RBFOX1: variants seen among roughly 807,000 people sequenced by gnomAD.
RBFOX1 encodes the protein RNA binding fox-1 homolog 1.
In RBFOX1, 8 loss-of-function variants were observed where a neutral mutation model predicts 57.7. That is an observed-to-expected ratio of 0.14 (90% CI 0.08 to 0.25). The LOEUF is 0.25. Among genes scored for constraint, RBFOX1 ranks in the 10% least tolerant of loss-of-function variants. RBFOX1 has a pLI of 1.00. For synonymous variants in RBFOX1, 326 were observed against 222.4 expected, an observed-to-expected ratio of 1.47 and a Z score of -4.15; for missense variants, 611 against 548.5, an observed-to-expected ratio of 1.11 and a Z score of -1.14.
rs372594869 is a variant in RBFOX1 at position 6,520,145 on chromosome 16, T to G, written c.-63-134458T>G. ...TTGGAGCTTCTTCATGGCCATCCTTTGCAACTTGGAGTATGCAAACAACAT... is the reference window on the plus strand; with the variant it reads ...TTGGAGCTTCTTCATGGCCATCCTTGGCAACTTGGAGTATGCAAACAACAT... On this transcript the variant is annotated intron_variant, in intron 2 of 15. Transcript: ENST00000550418. Among the ~76,000 whole-genome samples the G allele has an allele frequency of 2.0e-5, 3 of 152,318 alleles. No individual in the cohort carries two copies. The East Asian group carries it at 5.8e-4, about 29-fold the overall frequency.
chr16:5,736,193 A>AC (rs904113452), intron 3 of RBFOX1, among the ~76,000 whole-genome samples: 2 of 151,712 alleles, frequency 1.3e-5, no homozygotes, highest in Non-Finnish European at 2.9e-5. Flanking sequence ...GCCACCTGGC[A>AC]CCCCCCATCC....
intron 3 of RBFOX1, among the ~76,000 whole-genome samples, chr16:6,753,094 T>C (rs571512106): frequency 2.9e-4 from 44 of 152,204 alleles, no homozygotes; most frequent in African/African-American, 6.5e-4. Flanking sequence ...AATACAAATA[T>C]TGAACTTGAG....
At chr16:5,972,071 C>T (rs2059972245) in intron 4 of RBFOX1, among the ~76,000 whole-genome samples, 1 of 152,216 alleles carries the variant, frequency 6.6e-6, no homozygotes, top group Admixed American at 6.5e-5. Context: ...AGCCTGCTGC[C>T]TTCAGACTGA....
intron 2 of RBFOX1, among the ~76,000 whole-genome samples, chr16:6,564,144 T>G (rs1383357642): frequency 6.6e-6 from 1 of 152,122 alleles, no homozygotes; most frequent in Non-Finnish European, 1.5e-5. Context: ...ATTTTCTGTT[T>G]TCCACGAAAG....
chr16:5,750,734 A>G (rs1276587531), intron 3 of RBFOX1, among the ~76,000 whole-genome samples: 1 of 152,080 alleles, frequency 6.6e-6, no homozygotes, highest in Admixed American at 6.5e-5. Flanking sequence ...TTAGGGTGGG[A>G]GTGACCCAAT....
chr16:5,678,711 A>G (rs1423928288), intron 3 of RBFOX1, among the ~76,000 whole-genome samples: 1 of 152,108 alleles, frequency 6.6e-6, no homozygotes, highest in Non-Finnish European at 1.5e-5. Context: ...TTGTCTTTGG[A>G]CAAATGGTAC....
At chr16:6,948,549 A>G (rs960338317) in intron 3 of RBFOX1, among the ~76,000 whole-genome samples, 2 of 151,434 alleles carry the variant, frequency 1.3e-5, no homozygotes, top group East Asian at 2.0e-4. Context: ...TGCCCAGCTA[A>G]TTTTTGATTT....
chr16:5,615,939 G>A (rs2048007707), intron 3 of RBFOX1, among the ~76,000 whole-genome samples: 1 of 152,142 alleles, frequency 6.6e-6, no homozygotes, highest in African/African-American at 2.4e-5. Context: ...TAATGGGAAC[G>A]CTTCTTTCCC....
chr16:7,171,130 C>G (rs1369471312), intron 4 of RBFOX1, among the ~76,000 whole-genome samples: 1 of 152,220 alleles, frequency 6.6e-6, no homozygotes, highest in Non-Finnish European at 1.5e-5. Flanking sequence ...GTCTTGGGCA[C>G]TCTCAAGGCC....
At chr16:6,775,085 G>C (rs1378839326) in intron 3 of RBFOX1, among the ~76,000 whole-genome samples, 1 of 151,624 alleles carries the variant, frequency 6.6e-6, no homozygotes, top group African/African-American at 2.4e-5. Context: ...CAGCACTTTG[G>C]GAGGCCAGGT....
intron 1 of RBFOX1, among the ~76,000 whole-genome samples, chr16:6,210,348 A>ACAAC (rs369339639): frequency 6.0e-4 from 61 of 101,960 alleles, no homozygotes; most frequent in Non-Finnish European, 1.1e-3. Context: ...AAAAAAACAA[A>ACAAC]AAAAAAAAAC....
chr16:5,848,177 T>A (rs1415261130), intron 3 of RBFOX1, among the ~76,000 whole-genome samples: 1 of 152,058 alleles, frequency 6.6e-6, no homozygotes, highest in Non-Finnish European at 1.5e-5. Context: ...TTGCAGTTTG[T>A]TTTGTCCAGC....
intron 2 of RBFOX1, among the ~76,000 whole-genome samples, chr16:6,579,182 T>C (rs1298107900): frequency 6.6e-6 from 1 of 152,112 alleles, no homozygotes; most frequent in African/African-American, 2.4e-5. Context: ...AGTTCTGTTT[T>C]TGTTTTGTTT....
intron 1 of RBFOX1, among the ~76,000 whole-genome samples, chr16:6,256,660 C>T (rs1043993891): frequency 1.3e-5 from 2 of 152,092 alleles, no homozygotes; most frequent in Admixed American, 6.6e-5. Context: ...AACACTTTTG[C>T]TGTGGGATGC....
intron 2 of RBFOX1, among the ~76,000 whole-genome samples, chr16:6,622,141 G>T (rs900268411): frequency 6.6e-6 from 1 of 152,126 alleles, no homozygotes. Context: ...CATTCCTTAA[G>T]TACTTTATTG....
intron 2 of RBFOX1, among the ~76,000 whole-genome samples, chr16:6,602,470 T>C (rs898111208): frequency 6.6e-6 from 1 of 152,160 alleles, no homozygotes; most frequent in African/African-American, 2.4e-5. Flanking sequence ...TGACTCCAGC[T>C]GGAAGGAGAG....
intron 2 of RBFOX1, among the ~76,000 whole-genome samples, chr16:6,647,278 C>G (rs1234277216): frequency 6.6e-6 from 1 of 152,106 alleles, no homozygotes; most frequent in Non-Finnish European, 1.5e-5. Flanking sequence ...GAATCTTGGT[C>G]TGTTGCCCAG....
At chr16:7,048,157 G>A (rs888277341) in intron 3 of RBFOX1, among the ~76,000 whole-genome samples, 2 of 152,056 alleles carry the variant, frequency 1.3e-5, no homozygotes, top group Non-Finnish European at 2.9e-5. Context: ...GGGATTACAG[G>A]TGTGAGCCAC....
intron 4 of RBFOX1, among the ~76,000 whole-genome samples, chr16:7,138,606 C>T (rs1480152115): frequency 2.0e-5 from 3 of 152,074 alleles, no homozygotes; most frequent in African/African-American, 7.2e-5. Flanking sequence ...GGAAATGTAA[C>T]CCCCCATTAT....
Sources: allele counts gnomAD v4.1 joint callset (sites outside exome capture counted in the v4.1 genomes callset), GRCh38; gene constraint gnomAD v4.1.1; transcripts MANE v1.5; gene names NCBI Gene and HGNC (gene_info 2026-07-23, HGNC 2026-07-21).